The following FER1L5 variants were observed in gnomAD, a reference collection of about 807,000 sequenced individuals.
FER1L5 encodes fer-1-like protein 5.
In FER1L5, 187 loss-of-function variants were observed where a neutral mutation model predicts 279.9. That is an observed-to-expected ratio of 0.67 (90% confidence interval 0.59 to 0.75). FER1L5 has a LOEUF of 0.75. Ranked by LOEUF, FER1L5 falls within the 30% of genes least tolerant of loss-of-function variation. FER1L5 has a pLI of 0.00. For missense variants in FER1L5, 2,091 were observed against 2,594.4 expected (o/e 0.81, Z 4.21); for synonymous variants, 921 against 989.7 (o/e 0.93, Z 1.30).
Position 96,685,908 on chromosome 2 carries a change from G to A in FER1L5, c.1896-32G>A, listed in dbSNP as rs2076905935. 6 of 1,494,244 alleles carry A rather than the reference G, an allele frequency of 4.0e-6. No homozygotes were observed. In the South Asian group the frequency reaches 6.8e-5, roughly 17 times the overall value. 92.6% of individuals were successfully genotyped at this position (1,494,244 alleles called of 1,614,324 possible). On this transcript the variant is annotated intron_variant, in intron 21 of 52. Transcript: ENST00000624922. ...GGTGACACTGGGAGGCAGTAGAGAG[G>A]TCCAGCCCCTGCTACCCTGTCCTGG...
intron 9 of FER1L5, among the ~76,000 whole-genome samples, chr2:96,658,435 G>A (rs1045303397): frequency 5.3e-5 from 8 of 151,422 alleles, no homozygotes; most frequent in Admixed American, 3.3e-4. Flanking sequence ...TCCTGCCTCA[G>A]CCTCCCGAGT....
chr2:96,651,140 C>T (rs2075344170), intron 6 of FER1L5, among the ~76,000 whole-genome samples: 1 of 152,254 alleles, frequency 6.6e-6, no homozygotes, highest in African/African-American at 2.4e-5. Flanking sequence ...CCCTTGATAA[C>T]TCAAGCCTGT....
Position 96,702,616 on chromosome 2 carries a change from GAGA to G in FER1L5, c.5275_5277del (p.Lys1759del), listed in dbSNP as rs2077628399. On this transcript the variant is annotated inframe_deletion, in exon 48 of 53. Coordinates refer to ENST00000624922, the MANE Select transcript of FER1L5 (RefSeq NM_001293083.2). This position sits in a 1 kb window ranked among gnomAD's most constrained non-coding sequence, Gnocchi z 4.0. ...TGGCCCCAGGTGGTTATACGGGCTG[GAGA>G]AGGACATGCAGAAGACAGACATCCA... 6.3e-7 allele frequency: 1 copy of G among 1,581,352 alleles called. No individual in the cohort carries two copies. The highest frequency in any genetic ancestry group is 8.6e-7 in the Non-Finnish European group (1 of 1,164,004).
chr2:96,664,164 G>C (rs1023386513), intron 14 of FER1L5, among the ~76,000 whole-genome samples: 1 of 151,224 alleles, frequency 6.6e-6, no homozygotes, highest in Non-Finnish European at 1.5e-5. Flanking sequence ...GAAGGAGAGA[G>C]GGAGGGAAGG....
In FER1L5 at chr2:96,691,591, A is replaced by G. The variant is rs1244444432; in HGVS notation, c.3054A>G (p.Ile1018Met). The change falls in exon 29 of 53, where the codon ATA becomes ATG. Residue 1018 changes from isoleucine (I) to methionine (M), a missense_variant. By Grantham distance (10) the Ile-to-Met change is conservative. Coordinates refer to ENST00000624922, the MANE Select transcript of FER1L5 (RefSeq NM_001293083.2). This position sits in a 1 kb window ranked among gnomAD's most constrained non-coding sequence, Gnocchi z 6.0. ...APNKDKGIAP[I>M]FLLEGSLAMD... ...ACAAGGACAAGGGCATCGCGCCCAT[A>G]TTCCTCCTGGAGGGGTCCTTGGTAA... The G allele has an allele frequency of 3.9e-6, 6 of 1,538,058 alleles. No individual in the cohort carries two copies. The Admixed American group carries it at 1.0e-4, about 26-fold the overall frequency.
chr2:96,650,052 G>GT, intron 5 of FER1L5, 128 bp from the exon 6 acceptor site: 1 of 723,004 alleles, frequency 1.4e-6, no homozygotes, highest in South Asian at 1.7e-5. Flanking sequence ...ATATGTCACT[G>GT]TTGGGGCCTC....
intron 8 of FER1L5, 54 bp downstream of exon 8, chr2:96,653,756 C>T: frequency 1.5e-6 from 2 of 1,331,922 alleles, no homozygotes; most frequent in Middle Eastern, 4.9e-4. Flanking sequence ...CACTTCAATA[C>T]TGGGAAGCAC....
Position 96,666,338 on chromosome 2 carries a change from G to A in FER1L5, c.1141-2413G>A, listed in dbSNP as rs1263281421. On this transcript the variant is annotated intron_variant, in intron 14 of 52. Coordinates refer to ENST00000624922, the MANE Select transcript of FER1L5 (RefSeq NM_001293083.2). ...CTGAACTTGGAGGACTCCTAACTTT[G>A]GAAGACCTGGATGCCTTCTGGTGCC... Among the ~76,000 whole-genome samples, 3 of 151,306 alleles carry A rather than the reference G, an allele frequency of 2.0e-5. 1 individual carries two copies. Among genetic ancestry groups the A allele is most frequent in the African/African-American group, 4.9e-5 (2 of 41,086 alleles).
rs372020325 is a variant in FER1L5 at position 96,691,931 on chromosome 2, C to A, written c.3182C>A (p.Pro1061His). 1.3e-6 allele frequency: 2 copies of A among 1,550,818 alleles called. No individual in the cohort carries two copies. Among genetic ancestry groups the A allele is most frequent in the Middle Eastern group, 1.7e-4 (1 of 5,992 alleles). The change falls in exon 30 of 53, where the codon CCC becomes CAC. Residue 1061 changes from proline to histidine, a missense_variant. Physicochemically the swap from Pro to His is moderately conservative, Grantham distance 77. Transcript: ENST00000624922. The surrounding 1 kb of genome is among the most constrained non-coding windows in gnomAD (Gnocchi z 6.0). ...RDPQRQDTRPPNLPFIYCTFN... is the reference protein window; with the variant it reads ...RDPQRQDTRPHNLPFIYCTFN... ...CCCCAGAGGCAGGACACCCGGCCCC[C>A]CAACTTGCCCTTCATCTACTGCACC...
chr2:96,681,025 T>C (rs910686657), intron 19 of FER1L5, among the ~76,000 whole-genome samples: 15 of 152,230 alleles, frequency 9.9e-5, no homozygotes, highest in Non-Finnish European at 1.6e-4. Flanking sequence ...TTGCCCTGCC[T>C]CTTTAAAAAA....
rs1199182854 is a variant in FER1L5, at chr2:96,689,607, G to A, written c.2526-37G>A. On this transcript the variant is annotated intron_variant, in intron 25 of 52. Transcript: ENST00000624922. The surrounding 1 kb of genome is among the most constrained non-coding windows in gnomAD (Gnocchi z 4.6). ...AAGACGGCCCTAGGGGCTGCTTGGG[G>A]AGTTGTGCTGGGAACTTGGGGTCTC... The A allele has an allele frequency of 3.9e-6, 6 of 1,533,012 alleles. No homozygotes were observed. The highest frequency in any genetic ancestry group is 1.7e-4 in the Middle Eastern group (1 of 5,726). 95.0% of individuals were successfully genotyped at this position (1,533,012 alleles called of 1,614,324 possible).
intron 4 of FER1L5, among the ~76,000 whole-genome samples, chr2:96,648,518 G>T (rs2075231287): frequency 6.6e-6 from 1 of 152,366 alleles, no homozygotes; most frequent in South Asian, 2.1e-4. Context: ...GGTTAGAGGG[G>T]CATGTTTGGC....
chr2:96,700,266 G>A, intron 44 of FER1L5, 66 bp from the exon 45 acceptor site: 1 of 1,601,486 alleles, frequency 6.2e-7, no homozygotes, highest in Non-Finnish European at 8.5e-7. Context: ...GAGGGTAAGA[G>A]CCTACCTAGG....
In FER1L5 at chr2:96,698,033, GC is replaced by G. The variant is rs1054774023; in HGVS notation, c.4237-3del. On this transcript the variant is annotated splice_polypyrimidine_tract_variant and splice_region_variant and intron_variant, in intron 39 of 52. Transcript: ENST00000624922. The surrounding 1 kb of genome is among the most constrained non-coding windows in gnomAD (Gnocchi z 5.5). ...ACCAGCCAGGGTTCCACACACCTCT[GC>G]AGGTGTATGAGTGTGAGCTGGAGGC... 1 of 1,563,820 alleles carries G rather than the reference GC, an allele frequency of 6.4e-7. No homozygotes were observed. The highest frequency in any genetic ancestry group is 1.4e-5 in the African/African-American group (1 of 73,578).
chr2:96,690,645 C>A, intron 27 of FER1L5, 56 bp downstream of exon 27: 2 of 1,473,512 alleles, frequency 1.4e-6, no homozygotes, highest in Non-Finnish European at 1.9e-6. Flanking sequence ...AAAATAACGG[C>A]AGCCAGCAGG....
chr2:96,674,571 A>G (rs2076444322), intron 19 of FER1L5, among the ~76,000 whole-genome samples: 1 of 152,190 alleles, frequency 6.6e-6, no homozygotes, highest in African/African-American at 2.4e-5. Context: ...CATATCATAT[A>G]TGGAACATAT....
chr2:96,659,990 C>G (rs1374030478), intron 9 of FER1L5, among the ~76,000 whole-genome samples: 2 of 152,104 alleles, frequency 1.3e-5, no homozygotes, highest in Non-Finnish European at 2.9e-5. Context: ...TACCTCTTAC[C>G]TTAACCATCC....
At chr2:96,669,007 C>T (rs2076227381) in intron 16 of FER1L5, 36 bp from the exon 17 acceptor site, 1 of 1,551,680 alleles carries the variant, frequency 6.4e-7, no homozygotes, top group Non-Finnish European at 8.7e-7. Context: ...CACCCCTCGT[C>T]CTGCGCCCGA....
chr2:96,698,890 TGG>T lies in FER1L5; in HGVS notation c.4518+60_4518+61del. 1 of 1,541,400 alleles carries T rather than the reference TGG, an allele frequency of 6.5e-7. No homozygotes were observed. The highest frequency in any genetic ancestry group is 1.2e-5 in the South Asian group (1 of 83,806). On this transcript the variant is annotated intron_variant, in intron 41 of 52. Transcript: ENST00000624922. This position sits in a 1 kb window ranked among gnomAD's most constrained non-coding sequence, Gnocchi z 5.5. The stretch of plus-strand genomic sequence containing the variant: ...CCGCACGCTCCCCTCAACCCATCTC[TGG>T]GAGCCCCCTCCGACTGCTGACACAC...
Sources: gnomAD v4.1 joint callset for allele counts (sites outside exome capture counted in the v4.1 genomes callset) on GRCh38, gnomAD v4.1.1 for gene constraint, Gnocchi (gnomAD v3.1) non-coding constraint, MANE v1.5 for transcripts, NCBI Gene and HGNC (gene_info 2026-07-23, HGNC 2026-07-21) for gene names.